The following LYAR variants were observed in gnomAD, a reference collection of about 807,000 sequenced individuals.
The protein encoded by LYAR is Ly1 antibody reactive, also known as cell growth-regulating nucleolar protein.
LYAR carries 37 observed loss-of-function variants against 45.2 expected under a neutral mutation model. The ratio of observed to expected loss-of-function variants is 0.82; its 90% CI spans 0.63 to 1.08. The LOEUF is 1.08. Ranked by LOEUF, LYAR falls within the 50% of genes least tolerant of loss-of-function variation. The pLI, the probability that LYAR is intolerant of heterozygous loss-of-function variation, is 0.00. For missense variants in LYAR, 493 were observed against 451.0 expected, an observed-to-expected ratio of 1.09 and a Z score of -0.84; for synonymous variants, 176 against 155.1, an observed-to-expected ratio of 1.14 and a Z score of -1.00.
At chr4:4,276,718 G>A (rs765571113) in intron 6 of LYAR, among the ~76,000 whole-genome samples, 6 of 151,776 alleles carry the variant, frequency 4.0e-5, no homozygotes, top group East Asian at 2.0e-4. Context: ...TTAGCCAGGC[G>A]TGGTGGCAAG....
At position 4,267,757 on chromosome 4, in the gene LYAR, T is replaced by C. The variant is rs766712960; in HGVS notation, c.*132A>G. On this transcript the variant is annotated 3_prime_UTR_variant, in exon 10 of 10. Coordinates refer to ENST00000343470, the MANE Select transcript of LYAR (RefSeq NM_017816.3). ...TTTCTCATAAAAGTTATACCAAAAATATATTTTCTTAACTTAAAAATACAG... is the reference window on the plus strand; with the variant it reads ...TTTCTCATAAAAGTTATACCAAAAACATATTTTCTTAACTTAAAAATACAG... 1.4e-4 allele frequency: 81 copies of C among 591,056 alleles called. No homozygotes were observed. The highest frequency in any genetic ancestry group is 5.6e-4 in the Admixed American group (14 of 24,796). 36.6% of individuals were successfully genotyped at this position (591,056 alleles called of 1,614,324 possible). A position where few individuals can be genotyped will look rare whatever the true frequency, so the allele number is the denominator to read the frequency against.
intron 1 of LYAR, among the ~76,000 whole-genome samples, chr4:4,288,486 C>CTTTTTTTTTTTTT (rs11338207): frequency 8.3e-6 from 1 of 121,020 alleles, no homozygotes; most frequent in Non-Finnish European, 1.7e-5. Context: ...AATTTTTTTT[C>CTTTTTTTTTTTTT]TTTTTTTTTT....
At position 4,286,553 on chromosome 4, in the gene LYAR, T is replaced by C. The variant is rs1719620223; in HGVS notation, c.-88A>G. Reference sequence around the variant, plus strand: ...TCATGTAGAAATTCAGTCACTCCAATGGAAGACAGCAAACATTGCCTAAAA... The same window carrying C: ...TCATGTAGAAATTCAGTCACTCCAACGGAAGACAGCAAACATTGCCTAAAA... On this transcript the variant is annotated 5_prime_UTR_variant, in exon 2 of 10. Transcript: ENST00000343470. 1 of 151,612 alleles carries C rather than the reference T, an allele frequency of 6.6e-6. No individual in the cohort carries two copies. Among genetic ancestry groups the C allele is most frequent in the Non-Finnish European group, 1.5e-5 (1 of 67,978 alleles). 9.4% of individuals were successfully genotyped at this position (151,612 alleles called of 1,614,324 possible).
intron 6 of LYAR, among the ~76,000 whole-genome samples, chr4:4,277,391 C>T (rs1222351773): frequency 6.6e-6 from 1 of 152,172 alleles, no homozygotes; most frequent in Non-Finnish European, 1.5e-5. Flanking sequence ...CCTGGCATCC[C>T]TTCTACACAA....
chr4:4,272,525 A>T (rs1205849872), intron 8 of LYAR, among the ~76,000 whole-genome samples: 1 of 152,192 alleles, frequency 6.6e-6, no homozygotes, highest in Non-Finnish European at 1.5e-5. Context: ...AATAAAATAG[A>T]ACAATTTTAC....
chr4:4,281,777 C>T lies in LYAR; in HGVS notation c.237+6G>A, dbSNP rs781724338. 8.7e-6 allele frequency: 14 copies of T among 1,607,462 alleles called. No individual in the cohort carries two copies. The Admixed American group carries it at 1.7e-4, about 19-fold the overall frequency. On this transcript the variant is annotated splice_donor_region_variant and intron_variant, in intron 4 of 9. Coordinates refer to ENST00000343470, the MANE Select transcript of LYAR (RefSeq NM_017816.3). ...GAAGCTACTCAATGAGTTAGAGAGA[C>T]GTTACCTGAATCCACGCCTGCTGTT...
chr4:4,273,134 G>T (rs932347889), intron 8 of LYAR, among the ~76,000 whole-genome samples: 3 of 152,178 alleles, frequency 2.0e-5, no homozygotes, highest in African/African-American at 7.2e-5. Context: ...AGGAGCGAAA[G>T]GGAACCGGGT....
intron 4 of LYAR, among the ~76,000 whole-genome samples, chr4:4,280,192 C>G (rs1719340649): frequency 6.6e-6 from 1 of 152,060 alleles, no homozygotes; most frequent in Non-Finnish European, 1.5e-5. Context: ...AAAGAATAAT[C>G]AGGAATAAAC....
chr4:4,277,226 T>C (rs974775377), intron 6 of LYAR, among the ~76,000 whole-genome samples: 3 of 152,078 alleles, frequency 2.0e-5, no homozygotes, highest in African/African-American at 7.2e-5. Flanking sequence ...TTTGTATTTT[T>C]AGTAAAGACA....
intron 8 of LYAR, among the ~76,000 whole-genome samples, chr4:4,272,845 G>T (rs1356316187): frequency 3.3e-5 from 5 of 152,174 alleles, no homozygotes; most frequent in African/African-American, 9.7e-5. Flanking sequence ...TGAGTCTTTG[G>T]ACCTGTTCTG....
At chr4:4,277,057 G>A (rs151053496) in intron 6 of LYAR, among the ~76,000 whole-genome samples, 83 of 152,042 alleles carry the variant, frequency 5.5e-4, no homozygotes, top group African/African-American at 1.8e-3. Flanking sequence ...TTATCATTAT[G>A]ATTTTTTGAG....
In LYAR at chr4:4,285,184, C is replaced by T. The variant is rs76109409; in HGVS notation, c.-54+1335G>A. Among the ~76,000 whole-genome samples the T allele has an allele frequency of 5.5e-3, 842 of 152,298 alleles. 7 individuals are homozygous for T. The highest frequency in any genetic ancestry group is 0.02 in the South Asian group (96 of 4,826). On this transcript the variant is annotated intron_variant, in intron 2 of 9. Transcript: ENST00000343470. Reference sequence around the variant, plus strand: ...TACAAACCACAGACCCCTGATTCCGCGGTCCCAGGCCCCGCTCCTCAGCTC... The same window carrying T: ...TACAAACCACAGACCCCTGATTCCGTGGTCCCAGGCCCCGCTCCTCAGCTC...
intron 2 of LYAR, among the ~76,000 whole-genome samples, chr4:4,285,910 T>C (rs1719591011): frequency 6.6e-6 from 1 of 152,166 alleles, no homozygotes; most frequent in Non-Finnish European, 1.5e-5. Flanking sequence ...AAAAAGATAC[T>C]CAAGAGTAAC....
intron 1 of LYAR, among the ~76,000 whole-genome samples, chr4:4,289,106 C>G (rs1006948432): frequency 6.6e-6 from 1 of 152,186 alleles, no homozygotes; most frequent in Non-Finnish European, 1.5e-5. Flanking sequence ...GTGTATGAGG[C>G]TGACAAGGGT....
Position 4,268,631 on chromosome 4 carries a change from T to A in LYAR, c.920-16A>T. On this transcript the variant is annotated splice_polypyrimidine_tract_variant and intron_variant, in intron 8 of 9. Transcript: ENST00000343470. ...TTGAATTTACCTACAATATAAATAATAATATTTAAGACATTTCGTTTTGTT... is the reference window on the plus strand; with the variant it reads ...TTGAATTTACCTACAATATAAATAAAAATATTTAAGACATTTCGTTTTGTT... 1 of 1,501,484 alleles carries A rather than the reference T, an allele frequency of 6.7e-7. No individual in the cohort carries two copies. Among genetic ancestry groups the A allele is most frequent in the Non-Finnish European group, 9.2e-7 (1 of 1,086,586 alleles). The allele number at this position is 1,501,484 out of a possible 1,614,324, so 93.0% of individuals were successfully genotyped here.
intron 1 of LYAR, among the ~76,000 whole-genome samples, chr4:4,288,491 T>C (rs1264428716): frequency 3.4e-5 from 5 of 149,082 alleles, no homozygotes; most frequent in Non-Finnish European, 4.5e-5. Flanking sequence ...TTTTTCTTTT[T>C]TTTTTTTTTT....
In LYAR at chr4:4,283,754, T is replaced by C; in HGVS notation, c.-12A>G. 2 of 1,605,040 alleles carry C rather than the reference T, an allele frequency of 1.2e-6. No homozygotes were observed. Among genetic ancestry groups the C allele is most frequent in the Non-Finnish European group, 1.7e-6 (2 of 1,176,658 alleles). The stretch of plus-strand genomic sequence containing the variant: ...GTAAAAAATACCATTTTTAGGTAAA[T>C]GGCTAAATATTCTCTATCCAAGACA... On this transcript the variant is annotated 5_prime_UTR_variant, in exon 3 of 10. Transcript: ENST00000343470.
chr4:4,279,176 A>G (rs1438287453), intron 6 of LYAR, among the ~76,000 whole-genome samples: 1 of 151,520 alleles, frequency 6.6e-6, no homozygotes. Flanking sequence ...AAAAAAAAAT[A>G]CAAAAAATTA....
At chr4:4,270,170 TCC>T (rs1718876679) in intron 8 of LYAR, among the ~76,000 whole-genome samples, 1 of 150,126 alleles carries the variant, frequency 6.7e-6, no homozygotes, top group Non-Finnish European at 1.5e-5. Context: ...ACCAATGCAC[TCC>T]ACCCTGGGCA....
Sources: gnomAD v4.1 joint callset for allele counts (sites outside exome capture counted in the v4.1 genomes callset) on GRCh38, gnomAD v4.1.1 for gene constraint, MANE v1.5 for transcripts, NCBI Gene and HGNC (gene_info 2026-07-23, HGNC 2026-07-21) for gene names.